Variants in LAMA2 observed in about 807,000 individuals in gnomAD.
LAMA2 encodes laminin subunit alpha 2, also known as laminin subunit alpha-2.
Under a neutral mutation model 364.8 loss-of-function variants are expected in LAMA2, and 269 were observed. The ratio of observed to expected loss-of-function variants is 0.74; its 90% confidence interval spans 0.67 to 0.82. The LOEUF is 0.82. Among genes scored for constraint, LAMA2 ranks in the 40% least tolerant of loss-of-function variants. The pLI is 0.00. For missense variants in LAMA2, 3,807 were observed against 3,873.2 expected (o/e 0.98, Z 0.45); for synonymous variants, 1,379 against 1,370.6 (o/e 1.01, Z -0.14).
At chr6:129,266,762 T>C (rs1018609312) in intron 15 of LAMA2, among the ~76,000 whole-genome samples, 2 of 152,146 alleles carry the variant, frequency 1.3e-5, no homozygotes, top group Non-Finnish European at 2.9e-5. Flanking sequence ...TCAGCTGCCT[T>C]TTTTACAGTA....
At chr6:129,025,255 A>C (rs1785730224) in intron 1 of LAMA2, among the ~76,000 whole-genome samples, 1 of 152,192 alleles carries the variant, frequency 6.6e-6, no homozygotes, top group South Asian at 2.1e-4. Context: ...TAGTTACAAA[A>C]AATTTTTTTT....
At chr6:129,157,941 A>G in intron 8 of LAMA2, 2 of 1,614,098 alleles carry the variant, frequency 1.2e-6, no homozygotes, top group South Asian at 1.1e-5. Context: ...GGGCACATCA[A>G]CTTCATTTGT....
chr6:129,280,810 A>G (rs1252402659), intron 18 of LAMA2, among the ~76,000 whole-genome samples: 1 of 152,162 alleles, frequency 6.6e-6, no homozygotes. Context: ...CCCCCTTGAC[A>G]TCATTGCCAA....
chr6:129,399,334 A>G (rs1217665204), intron 37 of LAMA2, among the ~76,000 whole-genome samples: 1 of 152,180 alleles, frequency 6.6e-6, no homozygotes, highest in African/African-American at 2.4e-5. Flanking sequence ...TACAATGTCT[A>G]TCAATCATGT....
chr6:129,052,293 G>T (rs1185529415), intron 2 of LAMA2, among the ~76,000 whole-genome samples: 2 of 148,518 alleles, frequency 1.3e-5, no homozygotes, highest in Middle Eastern at 3.6e-3. Flanking sequence ...ACGTTGCCAC[G>T]CCCGGCTAAT....
chr6:129,439,907 AT>A (rs1405482285), intron 42 of LAMA2, among the ~76,000 whole-genome samples: 3 of 150,904 alleles, frequency 2.0e-5, no homozygotes, highest in Non-Finnish European at 3.0e-5. Context: ...AACATTCAGA[AT>A]AGTCACTTCA....
chr6:129,232,054 C>A (rs920337007), intron 12 of LAMA2, among the ~76,000 whole-genome samples: 21 of 152,006 alleles, frequency 1.4e-4, no homozygotes, highest in Non-Finnish European at 2.8e-4. Context: ...CTGCATTATA[C>A]GAAGTTCTTT....
intron 47 of LAMA2, among the ~76,000 whole-genome samples, chr6:129,454,723 AACATACC>A (rs1782867402): frequency 6.6e-6 from 1 of 152,190 alleles, no homozygotes; most frequent in South Asian, 2.1e-4. Flanking sequence ...ATTCTTATGT[AACATACC>A]AGGTCCACCC....
At chr6:129,442,863 C>G (rs1782186999) in intron 43 of LAMA2, 200 bp from the exon 44 acceptor site, 1 of 560,692 alleles carries the variant, frequency 1.8e-6, no homozygotes, top group African/African-American at 1.9e-5. Context: ...TTTTAAAATA[C>G]AAATAGTGGC....
intron 2 of LAMA2, among the ~76,000 whole-genome samples, chr6:129,053,816 T>C (rs375811534): frequency 4.6e-5 from 7 of 152,280 alleles, no homozygotes; most frequent in Admixed American, 2.0e-4. Context: ...ATAGAAATAT[T>C]CTGTCAAGTA....
chr6:129,504,010 C>T (rs953910128), intron 60 of LAMA2, among the ~76,000 whole-genome samples: 3 of 152,226 alleles, frequency 2.0e-5, no homozygotes, highest in East Asian at 1.9e-4. Context: ...TTTGTCTCTG[C>T]ACCTGCGATA....
At chr6:129,372,112 T>C (rs923845463) in intron 34 of LAMA2, among the ~76,000 whole-genome samples, 3 of 152,166 alleles carry the variant, frequency 2.0e-5, no homozygotes, top group African/African-American at 7.2e-5. Context: ...ACCAGAATGG[T>C]ACATTTATTA....
intron 4 of LAMA2, among the ~76,000 whole-genome samples, chr6:129,112,479 T>C (rs1776215917): frequency 6.6e-6 from 1 of 151,964 alleles, no homozygotes; most frequent in African/African-American, 2.4e-5. Flanking sequence ...TGGAATACAG[T>C]TTCAGTTCAA....
At chr6:129,358,489 A>C (rs1293027208) in intron 32 of LAMA2, among the ~76,000 whole-genome samples, 2 of 152,034 alleles carry the variant, frequency 1.3e-5, no homozygotes, top group African/African-American at 4.8e-5. Flanking sequence ...ACAAACTAAA[A>C]TCACATAATC....
At chr6:128,927,592 T>C (rs1435921726) in intron 1 of LAMA2, among the ~76,000 whole-genome samples, 1 of 152,172 alleles carries the variant, frequency 6.6e-6, no homozygotes, top group Non-Finnish European at 1.5e-5. Context: ...ATCCCATTCT[T>C]TCCACAGTCC....
At position 129,315,652 on chromosome 6, in the gene LAMA2, G is replaced by A; in HGVS notation, c.3732G>A (p.Lys1244=). Residue 1244 remains lysine, a synonymous_variant, in exon 25 of 65, where the codon AAG becomes AAA. Transcript: ENST00000421865. Reference sequence around the variant, plus strand: ...AACTTCCAGAACAATTTGAAGGAAAGAAGGTAAGCACAAGAACTTTAATGT... The same window carrying A: ...AACTTCCAGAACAATTTGAAGGAAAAAAGGTAAGCACAAGAACTTTAATGT... The part of the protein sequence containing the change: ...YWKLPEQFEG[K]KLMAYGGKLK... 1.2e-6 allele frequency: 2 copies of A among 1,614,082 alleles called. No homozygotes were observed. Among genetic ancestry groups the A allele is most frequent in the Non-Finnish European group, 1.7e-6 (2 of 1,179,912 alleles).
chr6:128,953,783 C>T (rs1295305519), intron 1 of LAMA2, among the ~76,000 whole-genome samples: 3 of 151,880 alleles, frequency 2.0e-5, no homozygotes, highest in African/African-American at 4.8e-5. Flanking sequence ...TTTTGGTGTG[C>T]GGTTTAAAAG....
At chr6:128,916,216 A>C (rs539510387) in intron 1 of LAMA2, among the ~76,000 whole-genome samples, 8 of 151,440 alleles carry the variant, frequency 5.3e-5, no homozygotes, top group African/African-American at 1.9e-4. Flanking sequence ...GAACAACAAA[A>C]AAAACAAAAA....
At chr6:129,368,201 A>T (rs1305114933) in intron 33 of LAMA2, among the ~76,000 whole-genome samples, 1 of 152,214 alleles carries the variant, frequency 6.6e-6, no homozygotes, top group Non-Finnish European at 1.5e-5. Flanking sequence ...ATATCATCAC[A>T]TTGGGAACTA....
Sources: allele counts gnomAD v4.1 joint callset (sites outside exome capture counted in the v4.1 genomes callset), GRCh38; gene constraint gnomAD v4.1.1; transcripts MANE v1.5; gene names NCBI Gene and HGNC (gene_info 2026-07-23, HGNC 2026-07-21).